Variants in EYA2 observed in about 807,000 individuals in gnomAD.
The protein encoded by EYA2 is protein phosphatase EYA2.
EYA2 carries 31 observed loss-of-function variants against 69.2 expected under a neutral mutation model. That is an observed-to-expected ratio of 0.45 (90% CI 0.34 to 0.60). The LOEUF is 0.60. Among genes scored for constraint, EYA2 ranks in the 20% least tolerant of loss-of-function variants. EYA2 has a pLI of 0.02. For missense variants in EYA2, 622 were observed against 701.2 expected (o/e 0.89, Z 1.28); for synonymous variants, 257 against 279.4 (o/e 0.92, Z 0.80).
chr20:47,179,889 G>C lies in EYA2; in HGVS notation c.1290G>C (p.Lys430Asn). 1 of 1,614,030 alleles carries C rather than the reference G, an allele frequency of 6.2e-7. No individual in the cohort carries two copies. The highest frequency in any genetic ancestry group is 8.5e-7 in the Non-Finnish European group (1 of 1,179,984). Reference sequence around the variant, plus strand: ...ACCTCTGGCTGACCCACTCCCTGAAGGCACTAAACCTCATCAACTCCCGGC... The same window carrying C: ...ACCTCTGGCTGACCCACTCCCTGAACGCACTAAACCTCATCAACTCCCGGC... ...LTDLWLTHSL[K>N]ALNLINSRPN... Residue 430 changes from lysine (K) to asparagine (N), a missense_variant, in exon 13 of 16, where the codon AAG (lysine) becomes AAC (asparagine). Transcript: ENST00000327619.
At chr20:47,012,646 A>G (rs188787839) in intron 4 of EYA2, among the ~76,000 whole-genome samples, 9 of 152,234 alleles carry the variant, frequency 5.9e-5, no homozygotes, top group Non-Finnish European at 1.0e-4. Context: ...GGTGTGCACC[A>G]CCACACCCAG....
rs1192871499 is a variant in EYA2 at position 46,990,014 on chromosome 20, G to A, written c.4G>A (p.Val2Ile). 1 of 1,574,260 alleles carries A rather than the reference G, an allele frequency of 6.4e-7. No individual in the cohort carries two copies. The highest frequency in any genetic ancestry group is 8.7e-7 in the Non-Finnish European group (1 of 1,144,036). The change falls in exon 2 of 16, where the codon GTA becomes ATA. Residue 2 changes from valine (V) to isoleucine (I), a missense_variant. By Grantham distance (29) the Val-to-Ile change is conservative. Coordinates refer to ENST00000327619, the MANE Select transcript of EYA2 (RefSeq NM_005244.5). ...GTTTTCTTTCAGGTACAAGGAAATG[G>A]TAGAACTAGTGATCTCACCCAGCCT... The part of the protein sequence containing the change: M[V>I]ELVISPSLTV...
intron 5 of EYA2, among the ~76,000 whole-genome samples, chr20:47,039,756 C>T (rs1221776089): frequency 6.7e-6 from 1 of 149,826 alleles, no homozygotes; most frequent in Non-Finnish European, 1.5e-5. Context: ...TTGCTGTTAA[C>T]TGTGTGACTG....
At chr20:46,896,859 G>A (rs1189740642) in intron 1 of EYA2, among the ~76,000 whole-genome samples, 1 of 152,012 alleles carries the variant, frequency 6.6e-6, no homozygotes, top group African/African-American at 2.4e-5. Flanking sequence ...AAAGGAATTG[G>A]CATTTTTCTT....
In EYA2 at chr20:47,016,253, G is replaced by A; in HGVS notation, c.371G>A (p.Ser124Asn). ...TTCCTCAGCTATGGCTCCAGCTTCA[G>A]CACCTCACCCACTGGACAGAGCCCA... Reference protein sequence around the residue: ...SGFLSYGSSFSTSPTGQSPYT... With the variant: ...SGFLSYGSSFNTSPTGQSPYT... The change falls in exon 5 of 16, where the codon AGC becomes AAC. Residue 124 changes from serine (S) to asparagine (N), a missense_variant. Physicochemically the swap from Ser to Asn is conservative, Grantham distance 46. Transcript: ENST00000327619. 1 of 1,614,158 alleles carries A rather than the reference G, an allele frequency of 6.2e-7. No individual in the cohort carries two copies. The highest frequency in any genetic ancestry group is 8.5e-7 in the Non-Finnish European group (1 of 1,180,024).
At chr20:46,912,223 T>C (rs1292232447) in intron 1 of EYA2, among the ~76,000 whole-genome samples, 1 of 152,212 alleles carries the variant, frequency 6.6e-6, no homozygotes, top group African/African-American at 2.4e-5. Flanking sequence ...TTCAAAATGT[T>C]GCCTACTACA....
intron 5 of EYA2, among the ~76,000 whole-genome samples, chr20:47,033,638 G>A (rs1008805600): frequency 1.3e-5 from 2 of 152,186 alleles, no homozygotes; most frequent in African/African-American, 4.8e-5. Flanking sequence ...TCGGGGAGAG[G>A]CAGTCAGCTA....
intron 5 of EYA2, among the ~76,000 whole-genome samples, chr20:47,020,157 T>TC (rs1236977210): frequency 5.7e-5 from 1 of 17,612 alleles, no homozygotes; most frequent in Non-Finnish European, 2.4e-4. Flanking sequence ...AATATATAAT[T>TC]TTTAGAAGCA....
chr20:46,898,420 C>T (rs541493797), intron 1 of EYA2, among the ~76,000 whole-genome samples: 1 of 151,010 alleles, frequency 6.6e-6, no homozygotes. Context: ...CACACACACA[C>T]ACACCACAAT....
At chr20:46,990,732 C>T in intron 2 of EYA2, among the ~76,000 whole-genome samples, 1 of 152,340 alleles carries the variant, frequency 6.6e-6, no homozygotes, top group East Asian at 1.9e-4. Flanking sequence ...AGGCATTAAG[C>T]TATTATGTTT....
chr20:46,942,435 ACT>A (rs1490308877), intron 1 of EYA2, among the ~76,000 whole-genome samples: 1 of 151,872 alleles, frequency 6.6e-6, no homozygotes, highest in African/African-American at 2.4e-5. Context: ...GGGGGGGAAA[ACT>A]CTCTTAGAGA....
intron 9 of EYA2, among the ~76,000 whole-genome samples, chr20:47,135,289 T>C (rs973651761): frequency 2.0e-5 from 3 of 152,062 alleles, no homozygotes; most frequent in Non-Finnish European, 4.4e-5. Flanking sequence ...ATTTAATCTT[T>C]ACAACAATCC....
intron 1 of EYA2, among the ~76,000 whole-genome samples, chr20:46,976,100 C>A (rs1980443029): frequency 6.6e-6 from 1 of 152,192 alleles, no homozygotes; most frequent in South Asian, 2.1e-4. Flanking sequence ...GCGGCTCATG[C>A]CTGTAATCCC....
chr20:46,935,076 G>A (rs1315922691), intron 1 of EYA2, among the ~76,000 whole-genome samples: 5 of 152,204 alleles, frequency 3.3e-5, no homozygotes, highest in Non-Finnish European at 5.9e-5. Flanking sequence ...AGAGGGAGGA[G>A]GTTGCGCACC....
chr20:47,156,125 CACATATATATATATATATATATATATAT>C lies in EYA2; in HGVS notation c.978+12979_979-12985del, dbSNP rs1234918893. On this transcript the variant is annotated intron_variant, in intron 10 of 15. Transcript: ENST00000327619. ...ACACACACACACACACACACACACA[CACATATATATATATATATATATATATAT>C]ATATATATATATATATATATATATA... 7.7e-3 allele frequency among the ~76,000 whole-genome samples: 170 copies of C among 22,076 alleles called. 1 individual carries two copies. The highest frequency in any genetic ancestry group is 0.05 in the African/African-American group (161 of 3,248). 14.5% of individuals were successfully genotyped at this position (22,076 alleles called of 152,430 possible).
intron 1 of EYA2, among the ~76,000 whole-genome samples, chr20:46,908,355 G>A (rs1324323571): frequency 6.6e-6 from 1 of 152,212 alleles, no homozygotes; most frequent in Admixed American, 6.5e-5. Flanking sequence ...ATGCAGCGCT[G>A]AAGGAATGTA....
At chr20:46,980,760 C>T (rs1300874402) in intron 1 of EYA2, among the ~76,000 whole-genome samples, 1 of 152,168 alleles carries the variant, frequency 6.6e-6, no homozygotes, top group African/African-American at 2.4e-5. Flanking sequence ...TTCATCCTCC[C>T]CACCACCCTT....
At chr20:47,050,424 T>TA (rs1228597402) in intron 5 of EYA2, among the ~76,000 whole-genome samples, 1 of 152,108 alleles carries the variant, frequency 6.6e-6, no homozygotes, top group Non-Finnish European at 1.5e-5. Flanking sequence ...TAAGAAGGCT[T>TA]AAAAACACCC....
chr20:46,998,355 C>T (rs1160893926), intron 2 of EYA2: 2 of 152,318 alleles, frequency 1.3e-5, no homozygotes, highest in East Asian at 1.9e-4. Flanking sequence ...CACTTCTCCA[C>T]CTGTCACACT....
Sources: gnomAD v4.1 joint callset for allele counts (sites outside exome capture counted in the v4.1 genomes callset) on GRCh38, gnomAD v4.1.1 for gene constraint, MANE v1.5 for transcripts, NCBI Gene and HGNC (gene_info 2026-07-23, HGNC 2026-07-21) for gene names.